The following NDUFS4 variants were observed in gnomAD, a reference collection of about 807,000 sequenced individuals.
The protein encoded by NDUFS4 is NADH:ubiquinone oxidoreductase subunit S4.
NDUFS4 carries 28 observed loss-of-function variants against 24.3 expected under a neutral mutation model. The observed-to-expected ratio is 1.15, with a 90% CI of 0.85 to 1.58. The LOEUF is 1.58. Among genes scored for constraint, NDUFS4 ranks in the 40% most tolerant of loss-of-function variants. The pLI, the probability that NDUFS4 is intolerant of heterozygous loss-of-function variation, is 0.00. For missense variants in NDUFS4, 223 were observed against 207.9 expected (o/e 1.07, Z -0.45); for synonymous variants, 93 against 69.7 (o/e 1.34, Z -1.67).
intron 1 of NDUFS4, among the ~76,000 whole-genome samples, chr5:53,594,503 ATATT>A (rs1281573751): frequency 6.6e-6 from 1 of 152,084 alleles, no homozygotes; most frequent in Non-Finnish European, 1.5e-5. Flanking sequence ...TTTAATTGGT[ATATT>A]TAGACTATTT....
intron 4 of NDUFS4, among the ~76,000 whole-genome samples, chr5:53,666,615 A>G (rs1379080164): frequency 6.6e-6 from 1 of 152,004 alleles, no homozygotes; most frequent in Non-Finnish European, 1.5e-5. Flanking sequence ...GACACTCAGT[A>G]TCTGGTGGAA....
At chr5:53,594,872 TTGTGTG>T (rs60887057) in intron 1 of NDUFS4, among the ~76,000 whole-genome samples, 6 of 148,534 alleles carry the variant, frequency 4.0e-5, no homozygotes, top group South Asian at 2.2e-4. Context: ...ATGTCTGTGT[TTGTGTG>T]TGTGTGTGTG....
At chr5:53,631,941 AGC>A (rs938369697) in intron 2 of NDUFS4, among the ~76,000 whole-genome samples, 1 of 152,212 alleles carries the variant, frequency 6.6e-6, no homozygotes, top group African/African-American at 2.4e-5. Context: ...AGTCTGTCAC[AGC>A]TTCCCTTGGC....
intron 1 of NDUFS4, among the ~76,000 whole-genome samples, chr5:53,602,368 A>G (rs957925162): frequency 3.3e-5 from 5 of 152,176 alleles, no homozygotes; most frequent in African/African-American, 1.2e-4. Flanking sequence ...TGGGGCATTT[A>G]CAGTGATAAA....
At chr5:53,567,185 T>C (rs1749056343) in intron 1 of NDUFS4, among the ~76,000 whole-genome samples, 2 of 152,182 alleles carry the variant, frequency 1.3e-5, no homozygotes, top group Admixed American at 6.5e-5. Context: ...GGTTGAATTA[T>C]GATGTGGAAC....
chr5:53,661,795 G>GCTGT (rs70983369), intron 4 of NDUFS4, among the ~76,000 whole-genome samples: 118,065 of 151,404 alleles, frequency 0.78, 46,126 homozygotes, highest in African/African-American at 0.82. Context: ...TCATGATTTG[G>GCTGT]CTGTCTGTTA....
intron 1 of NDUFS4, chr5:53,573,525 A>T (rs572629329): frequency 2.2e-6 from 1 of 444,546 alleles, no homozygotes; most frequent in East Asian, 7.1e-5. Flanking sequence ...CGTTAGATTT[A>T]TGCCTAACTA....
intron 2 of NDUFS4, among the ~76,000 whole-genome samples, chr5:53,640,684 A>AG (rs1751684002): frequency 6.6e-6 from 1 of 152,160 alleles, no homozygotes; most frequent in Admixed American, 6.6e-5. Flanking sequence ...ACCATTTGTG[A>AG]GGGATCTGCT....
chr5:53,665,806 C>G (rs1295021666), intron 4 of NDUFS4, among the ~76,000 whole-genome samples: 1 of 152,236 alleles, frequency 6.6e-6, no homozygotes, highest in Non-Finnish European at 1.5e-5. Context: ...TGCTTGGGCT[C>G]ACACTCGGTG....
intron 1 of NDUFS4, among the ~76,000 whole-genome samples, chr5:53,572,413 A>T (rs1248465976): frequency 6.6e-6 from 1 of 152,174 alleles, no homozygotes; most frequent in Non-Finnish European, 1.5e-5. Flanking sequence ...AAGGTGGCAC[A>T]TTTTGGGGTA....
rs1416747113 is a variant in NDUFS4, at chr5:53,662,677, GTTA to G, written c.424+4056_424+4058del. Among the ~76,000 whole-genome samples, 13 of 152,282 alleles carry G rather than the reference GTTA, an allele frequency of 8.5e-5. No homozygotes were observed. The East Asian group carries it at 2.5e-3, about 29-fold the overall frequency. ...AATTATTGCCTCAATTTCAGAGCCT[GTTA>G]TTGGTCTATTTAGAGATTCAGCTTC... On this transcript the variant is annotated intron_variant, in intron 4 of 4. Coordinates refer to ENST00000296684, the MANE Select transcript of NDUFS4 (RefSeq NM_002495.4).
chr5:53,646,964 C>T (rs920596123), intron 3 of NDUFS4, among the ~76,000 whole-genome samples: 6 of 151,788 alleles, frequency 4.0e-5, no homozygotes, highest in Non-Finnish European at 7.4e-5. Flanking sequence ...GAACTTGTCC[C>T]CCCTCAGATA....
At chr5:53,665,872 G>A (rs965586177) in intron 4 of NDUFS4, among the ~76,000 whole-genome samples, 4 of 152,268 alleles carry the variant, frequency 2.6e-5, no homozygotes, top group Non-Finnish European at 4.4e-5. Context: ...AGATGAACCC[G>A]GTACCTCAGT....
intron 4 of NDUFS4, among the ~76,000 whole-genome samples, chr5:53,660,639 C>G (rs979469510): frequency 1.3e-5 from 2 of 152,080 alleles, no homozygotes; most frequent in East Asian, 1.9e-4. Flanking sequence ...GTTCCTTTTT[C>G]TCCACATCCT....
At chr5:53,683,032 A>G in intron 4 of NDUFS4, 86 bp from the exon 5 acceptor site, 4 of 879,024 alleles carry the variant, frequency 4.6e-6, no homozygotes, top group Non-Finnish European at 7.8e-6. Context: ...AAGTTAAGTT[A>G]TAAAAGCTAG....
intron 1 of NDUFS4, among the ~76,000 whole-genome samples, chr5:53,578,550 T>A (rs1360156314): frequency 2.0e-5 from 3 of 152,200 alleles, no homozygotes; most frequent in Non-Finnish European, 4.4e-5. Context: ...TACCTACATT[T>A]GAGTTCCTGG....
In NDUFS4 at chr5:53,665,787, G is replaced by A. The variant is rs1579935626; in HGVS notation, c.424+7163G>A. On this transcript the variant is annotated intron_variant, in intron 4 of 4. Transcript: ENST00000296684. ...CCTTGCGCTTCCTGGGTGAGGCGAT[G>A]CCTCGCCCTGCTTGGGCTCACACTC... Among the ~76,000 whole-genome samples the A allele has an allele frequency of 2.0e-5, 3 of 152,212 alleles. No individual in the cohort carries two copies. In the East Asian group the frequency reaches 5.8e-4, roughly 29 times the overall value.
At chr5:53,667,271 G>T (rs1245875779) in intron 4 of NDUFS4, among the ~76,000 whole-genome samples, 1 of 152,060 alleles carries the variant, frequency 6.6e-6, no homozygotes, top group Non-Finnish European at 1.5e-5. Context: ...TTTGAGATCA[G>T]CCTGACCAAC....
chr5:53,576,726 C>T (rs1210988749), intron 1 of NDUFS4, among the ~76,000 whole-genome samples: 1 of 152,134 alleles, frequency 6.6e-6, no homozygotes, highest in Non-Finnish European at 1.5e-5. Context: ...AAAGCTGGGA[C>T]CTCCTAGTCA....
Sources: gnomAD v4.1 joint callset for allele counts (sites outside exome capture counted in the v4.1 genomes callset) on GRCh38, gnomAD v4.1.1 for gene constraint, MANE v1.5 for transcripts, NCBI Gene and HGNC (gene_info 2026-07-23, HGNC 2026-07-21) for gene names.